Variants in CCDC80 observed in about 807,000 individuals in gnomAD.
The protein encoded by CCDC80 is coiled-coil domain-containing protein 80.
In CCDC80, 49 loss-of-function variants were observed where a neutral mutation model predicts 78.7. That is an observed-to-expected ratio of 0.62 (90% CI 0.50 to 0.79). The LOEUF is 0.79. CCDC80 is among the 30% of genes least tolerant of loss of function. The pLI, the probability that CCDC80 is intolerant of heterozygous loss-of-function variation, is 0.00. For missense variants in CCDC80, 1,205 were observed against 1,198.6 expected (o/e 1.01, Z -0.08); for synonymous variants, 488 against 447.0 (o/e 1.09, Z -1.16).
rs1214507947 is a variant in CCDC80, at chr3:112,600,548, A to ATGG, written c.*4866_*4868dup. On this transcript the variant is annotated 3_prime_UTR_variant, in exon 8 of 8. Coordinates refer to ENST00000206423, the MANE Select transcript of CCDC80 (RefSeq NM_199511.3). ...CACTTTGTCACCCAGGATGATGATG[A>ATGG]TGGAGTGCTGTGGCACGATCACGGC... is the stretch of plus-strand genomic sequence containing the variant. 1 of 148,166 alleles carries ATGG rather than the reference A, an allele frequency of 6.7e-6. No homozygotes were observed. Among genetic ancestry groups the ATGG allele is most frequent in the Non-Finnish European group, 1.5e-5 (1 of 67,740 alleles). 9.2% of individuals were successfully genotyped at this position (148,166 alleles called of 1,614,324 possible). A position where few individuals can be genotyped will look rare whatever the true frequency, so the allele number is the denominator to read the frequency against.
intron 5 of CCDC80, among the ~76,000 whole-genome samples, chr3:112,615,496 C>A (rs544872376): frequency 2.6e-5 from 4 of 152,086 alleles, no homozygotes; most frequent in Admixed American, 1.3e-4. Context: ...GAAGTTTCAT[C>A]CTACATCGGG....
In CCDC80 at chr3:112,627,578, G is replaced by T. The variant is rs1257095332; in HGVS notation, c.2035+2535C>A. On this transcript the variant is annotated intron_variant, in intron 3 of 7. Coordinates refer to ENST00000206423, the MANE Select transcript of CCDC80 (RefSeq NM_199511.3). The stretch of plus-strand genomic sequence containing the variant: ...TGATTTATTTTTAAGGAAAAGTAAG[G>T]CCATCTGATAGATTTCCAGCTGAAA... Among the ~76,000 whole-genome samples the T allele has an allele frequency of 4.6e-5, 7 of 152,298 alleles. No homozygotes were observed. The East Asian group carries it at 9.6e-4, about 21-fold the overall frequency.
chr3:112,637,029 C>T (rs1936221345), intron 2 of CCDC80, among the ~76,000 whole-genome samples: 1 of 152,120 alleles, frequency 6.6e-6, no homozygotes, highest in African/African-American at 2.4e-5. Flanking sequence ...ATAAAAACTG[C>T]CCTTATATTT....
intron 5 of CCDC80, among the ~76,000 whole-genome samples, chr3:112,611,721 C>A (rs1484496460): frequency 6.6e-6 from 1 of 152,214 alleles, no homozygotes; most frequent in Admixed American, 6.5e-5. Flanking sequence ...ATCTAAGGGG[C>A]AACTGTATAG....
chr3:112,606,793 G>C (rs573137240), intron 7 of CCDC80, among the ~76,000 whole-genome samples: 1 of 20,412 alleles, frequency 4.9e-5, no homozygotes, highest in African/African-American at 5.6e-5. Flanking sequence ...CTTATCTGTT[G>C]AAAGGGAATC....
Position 112,639,844 on chromosome 3 carries a change from G to C in CCDC80, c.62C>G (p.Ser21Ter). 6.2e-7 allele frequency: 1 copy of C among 1,614,178 alleles called. No individual in the cohort carries two copies. The highest frequency in any genetic ancestry group is 8.5e-7 in the Non-Finnish European group (1 of 1,180,042). Residue 21 changes from serine to a stop codon, truncating the protein, a stop_gained, in exon 2 of 8, where the codon TCA (serine) becomes TGA (stop). Coordinates refer to ENST00000206423, the MANE Select transcript of CCDC80 (RefSeq NM_199511.3). LOFTEE classifies it high-confidence loss of function. ...AATAGTGGCATGGGGGTGGGGTTCT[G>C]ATCCACACACTAGCCACATGGCCAA... ...MLLAMWLVCG[S>*]EPHPHATIRG...
At chr3:112,630,291 C>T (rs1471051585) in intron 2 of CCDC80, 22 bp from the exon 3 acceptor site, 1 of 1,611,878 alleles carries the variant, frequency 6.2e-7, no homozygotes, top group East Asian at 2.2e-5. Context: ...TGAAGACAAA[C>T]AAATACTCAT....
chr3:112,619,608 T>G (rs1407560741), intron 3 of CCDC80, among the ~76,000 whole-genome samples: 3 of 152,236 alleles, frequency 2.0e-5, no homozygotes, highest in Non-Finnish European at 2.9e-5. Flanking sequence ...GAGTTTCTGT[T>G]GAAACCTAGT....
At chr3:112,607,288 G>A in intron 6 of CCDC80, 32 bp from the exon 7 acceptor site, 1 of 1,546,232 alleles carries the variant, frequency 6.5e-7, no homozygotes, top group Non-Finnish European at 8.9e-7. Context: ...TAGGATTAGA[G>A]GAAAGGATTA....
chr3:112,630,520 A>G (rs2107490840), intron 2 of CCDC80, among the ~76,000 whole-genome samples: 1 of 152,256 alleles, frequency 6.6e-6, no homozygotes, highest in African/African-American at 2.4e-5. Context: ...CACATGTCTC[A>G]CTTTTCTTAT....
At chr3:112,626,933 C>T (rs550464068) in intron 3 of CCDC80, among the ~76,000 whole-genome samples, 1 of 152,262 alleles carries the variant, frequency 6.6e-6, no homozygotes, top group East Asian at 1.9e-4. Context: ...CCATATTCCA[C>T]CTCCATGAAC....
rs1671991499 is a variant in CCDC80 at position 112,602,235 on chromosome 3, T to G, written c.*3182A>C. 1 of 152,210 alleles carries G rather than the reference T, an allele frequency of 6.6e-6. No homozygotes were observed. Among genetic ancestry groups the G allele is most frequent in the South Asian group, 2.1e-4 (1 of 4,832 alleles). 9.4% of individuals were successfully genotyped at this position (152,210 alleles called of 1,614,324 possible). A position where few individuals can be genotyped will look rare whatever the true frequency, so the allele number is the denominator to read the frequency against. ...TAACACAGTAAACTTAATAAATGTGTGTATGTTCTGATTGCTCCAACAACC... is the reference window on the plus strand; with the variant it reads ...TAACACAGTAAACTTAATAAATGTGGGTATGTTCTGATTGCTCCAACAACC... On this transcript the variant is annotated 3_prime_UTR_variant, in exon 8 of 8. Coordinates refer to ENST00000206423, the MANE Select transcript of CCDC80 (RefSeq NM_199511.3).
At chr3:112,610,141 T>C in intron 5 of CCDC80, 60 bp from the exon 6 acceptor site, 1 of 1,449,124 alleles carries the variant, frequency 6.9e-7, no homozygotes, top group Non-Finnish European at 9.7e-7. Context: ...AAAACCAATG[T>C]AGGAAACCAG....
rs1935306616 is a variant in CCDC80 at position 112,597,788 on chromosome 3, T to C, written c.*7629A>G. ...ACTACATAACCATCATCACTCATCA[T>C]CTCTCCCTGGTCCCTTCCACCTGCC... On this transcript the variant is annotated 3_prime_UTR_variant, in exon 8 of 8. Transcript: ENST00000206423. 1 of 152,082 alleles carries C rather than the reference T, an allele frequency of 6.6e-6. No individual in the cohort carries two copies. Among genetic ancestry groups the C allele is most frequent in the Non-Finnish European group, 1.5e-5 (1 of 68,010 alleles). The allele number at this position is 152,082 out of a possible 1,614,324, so 9.4% of individuals were successfully genotyped here. A position where few individuals can be genotyped will look rare whatever the true frequency, so the allele number is the denominator to read the frequency against.
At position 112,600,494 on chromosome 3, in the gene CCDC80, CTCTT is replaced by C. The variant is rs1935355160; in HGVS notation, c.*4919_*4922del. 6.6e-6 allele frequency: 1 copy of C among 151,892 alleles called. No individual in the cohort carries two copies. The highest frequency in any genetic ancestry group is 1.5e-5 in the Non-Finnish European group (1 of 68,014). The allele number at this position is 151,892 out of a possible 1,614,324, so 9.4% of individuals were successfully genotyped here. A position where few individuals can be genotyped will look rare whatever the true frequency, so the allele number is the denominator to read the frequency against. ...TCATTTTCTTGGGAGATGAAACTCCCTCTTTTTTTTGGTGGGGAGACAGGGTCTC... is the reference window on the plus strand; with the variant it reads ...TCATTTTCTTGGGAGATGAAACTCCCTTTTTTGGTGGGGAGACAGGGTCTC... On this transcript the variant is annotated 3_prime_UTR_variant, in exon 8 of 8. Coordinates refer to ENST00000206423, the MANE Select transcript of CCDC80 (RefSeq NM_199511.3).
chr3:112,638,074 G>A lies in CCDC80; in HGVS notation c.1832C>T (p.Ser611Leu), dbSNP rs1485891116. 6.2e-7 allele frequency: 1 copy of A among 1,610,368 alleles called. No individual in the cohort carries two copies. The highest frequency in any genetic ancestry group is 8.5e-7 in the Non-Finnish European group (1 of 1,179,136). Residue 611 changes from serine (S) to leucine (L), a missense_variant, in exon 2 of 8, where the codon TCA becomes TTA. Transcript: ENST00000206423. ...AAAGGACCCCAGCAGGTCGGCCACT[G>A]ACTTCTTGGGACTCTGCGTGAAGTG... ...NKHFTQSPKKSVADLLGSFEG... is the reference protein window; with the variant it reads ...NKHFTQSPKKLVADLLGSFEG...
rs569893265 is a variant in CCDC80, at chr3:112,603,381, G to C, written c.*2036C>G. On this transcript the variant is annotated 3_prime_UTR_variant, in exon 8 of 8. Transcript: ENST00000206423. ...AATACAAAAATAAGCTGGGTGTAGT[G>C]GTGGGCGCCTGTAAATCCAGCTACT... is the stretch of plus-strand genomic sequence containing the variant. 1 of 148,288 alleles carries C rather than the reference G, an allele frequency of 6.7e-6. No homozygotes were observed. The highest frequency in any genetic ancestry group is 2.2e-4 in the South Asian group (1 of 4,558). The allele number at this position is 148,288 out of a possible 1,614,324, so 9.2% of individuals were successfully genotyped here. A position where few individuals can be genotyped will look rare whatever the true frequency, so the allele number is the denominator to read the frequency against.
At position 112,639,131 on chromosome 3, in the gene CCDC80, C is replaced by T. The variant is rs201745151; in HGVS notation, c.775G>A (p.Glu259Lys). 3.7e-6 allele frequency: 6 copies of T among 1,614,174 alleles called. No homozygotes were observed. In the East Asian group the frequency reaches 8.9e-5, roughly 24 times the overall value. Residue 259 changes from glutamate (E) to lysine (K), a missense_variant, in exon 2 of 8, where the codon GAG becomes AAG. Transcript: ENST00000206423. Reference sequence around the variant, plus strand: ...CGGATGGGGCCTTGGTCGATGACCTCGTACATGGCTTCCAGCCTAACGGGA... The same window carrying T: ...CGGATGGGGCCTTGGTCGATGACCTTGTACATGGCTTCCAGCCTAACGGGA... ...PYPVRLEAMY[E>K]VIDQGPIRRI...
chr3:112,616,727 C>G lies in CCDC80; in HGVS notation c.2304G>C (p.Leu768=), dbSNP rs773464903. The G allele has an allele frequency of 3.1e-6, 5 of 1,614,068 alleles. No homozygotes were observed. Among genetic ancestry groups the G allele is most frequent in the Non-Finnish European group, 4.2e-6 (5 of 1,180,012 alleles). The change falls in exon 5 of 8, where the codon CTG becomes CTC. Residue 768 remains leucine, a synonymous_variant. Coordinates refer to ENST00000206423, the MANE Select transcript of CCDC80 (RefSeq NM_199511.3). ...TGATGTACCTGGATAGGAAGTTCTC[C>G]AGGGACTGCTTTTTGTCCTCTTTGC... ...IVCKEDKKQS[L]ENFLSRFRWR... is the part of the protein sequence containing the mutation.
Sources: gnomAD v4.1 joint callset for allele counts (sites outside exome capture counted in the v4.1 genomes callset) on GRCh38, gnomAD v4.1.1 for gene constraint, MANE v1.5 for transcripts, NCBI Gene and HGNC (gene_info 2026-07-23, HGNC 2026-07-21) for gene names.